The following MGAT4D variants were observed in gnomAD, a reference collection of about 807,000 sequenced individuals.
MGAT4D encodes alpha-1,3-mannosyl-glycoprotein 4-beta-N-acetylglucosaminyltransferase-like protein MGAT4D.
MGAT4D carries 34 observed loss-of-function variants against 15.9 expected under a neutral mutation model. The ratio of observed to expected loss-of-function variants is 2.14; its 90% CI spans 1.62 to 2.84. The LOEUF (loss-of-function observed/expected upper bound fraction) is 2.84. Among genes scored for constraint, MGAT4D ranks in the 30% most tolerant of loss-of-function variants. The probability of loss-of-function intolerance (pLI) is 0.00; values close to 1 mark genes in which losing one functional copy is unlikely to be tolerated. For missense variants in MGAT4D, 327 were observed against 140.2 expected (o/e 2.33, Z -6.73); for synonymous variants, 112 against 48.2 (o/e 2.33, Z -5.49).
At chr4:140,456,880 A>C (rs920019391) in intron 8 of MGAT4D, 161 bp from the exon 9 acceptor site, 5 of 425,922 alleles carry the variant, frequency 1.2e-5, no homozygotes, top group African/African-American at 2.0e-5. Flanking sequence ...ATTAAACACT[A>C]TATCTGCTTA....
At chr4:140,470,440 C>T (rs2126773746) in intron 5 of MGAT4D, among the ~76,000 whole-genome samples, 1 of 152,338 alleles carries the variant, frequency 6.6e-6, no homozygotes, top group Middle Eastern at 3.4e-3. Flanking sequence ...ACTTTACTGG[C>T]TAAACAAAAC....
intron 1 of MGAT4D, among the ~76,000 whole-genome samples, chr4:140,489,148 A>G (rs1330351668): frequency 6.6e-6 from 1 of 152,186 alleles, no homozygotes; most frequent in Non-Finnish European, 1.5e-5. Flanking sequence ...ATGATAAAGC[A>G]TTGGCAGGTC....
At chr4:140,446,724 G>A (rs1156895183) in intron 10 of MGAT4D, among the ~76,000 whole-genome samples, 1 of 90,070 alleles carries the variant, frequency 1.1e-5, no homozygotes, top group East Asian at 3.2e-4. Flanking sequence ...TTTGGAGCTG[G>A]TTTGCTTTTG....
intron 6 of MGAT4D, 28 bp from the exon 7 acceptor site, chr4:140,462,032 T>C (rs770862506): frequency 2.2e-5 from 15 of 691,550 alleles, no homozygotes; most frequent in East Asian, 1.1e-4. Context: ...GATCTGTTAA[T>C]ATTTGTCATT....
At chr4:140,461,543 T>A (rs1258183077) in intron 7 of MGAT4D, among the ~76,000 whole-genome samples, 1 of 152,150 alleles carries the variant, frequency 6.6e-6, no homozygotes, top group East Asian at 1.9e-4. Context: ...ATGATAAGTG[T>A]ATACAATGTC....
At chr4:140,461,880 T>TACACACACACACACAC in intron 7 of MGAT4D, 49 bp downstream of exon 7, 2 of 534,556 alleles carry the variant, frequency 3.7e-6, no homozygotes, top group Admixed American at 2.8e-5. Flanking sequence ...AATTGGTGTA[T>TACACACACACACACAC]ACACACACAC....
At chr4:140,480,598 G>A (rs1221221958) in intron 2 of MGAT4D, among the ~76,000 whole-genome samples, 6 of 151,992 alleles carry the variant, frequency 3.9e-5, no homozygotes, top group Admixed American at 3.9e-4. Context: ...ATATCCATCT[G>A]ATATGTATCC....
intron 3 of MGAT4D, among the ~76,000 whole-genome samples, chr4:140,478,503 A>T (rs753196004): frequency 2.0e-5 from 3 of 152,248 alleles, no homozygotes; most frequent in Non-Finnish European, 4.4e-5. Flanking sequence ...ATATGTATAT[A>T]CAGGTAAAGA....
At chr4:140,456,289 T>C (rs1730793728) in intron 9 of MGAT4D, among the ~76,000 whole-genome samples, 1 of 152,192 alleles carries the variant, frequency 6.6e-6, no homozygotes. Context: ...TGATGAACTC[T>C]TAATAGTGTA....
At chr4:140,449,409 T>C (rs1014600969) in intron 10 of MGAT4D, among the ~76,000 whole-genome samples, 1 of 152,206 alleles carries the variant, frequency 6.6e-6, no homozygotes, top group African/African-American at 2.4e-5. Context: ...TGAATAGAGA[T>C]AAATAAAATT....
At chr4:140,489,010 C>T (rs535495580) in intron 1 of MGAT4D, among the ~76,000 whole-genome samples, 1 of 152,272 alleles carries the variant, frequency 6.6e-6, no homozygotes, top group South Asian at 2.1e-4. Flanking sequence ...GCCAATTAAA[C>T]CTCTTTTCTT....
At chr4:140,496,041 TTTAG>T (rs1445977029) in intron 1 of MGAT4D, among the ~76,000 whole-genome samples, 1 of 152,160 alleles carries the variant, frequency 6.6e-6, no homozygotes, top group Non-Finnish European at 1.5e-5. Flanking sequence ...CCTGGCAAAA[TTTAG>T]TTAATTTTAA....
intron 8 of MGAT4D, chr4:140,457,528 C>A (rs1730888340): frequency 6.6e-6 from 1 of 152,088 alleles, no homozygotes; most frequent in Non-Finnish European, 1.5e-5. Flanking sequence ...ATAGCTGATT[C>A]AATTCCTAAC....
chr4:140,445,150 G>T (rs981787444), intron 10 of MGAT4D, among the ~76,000 whole-genome samples: 2 of 152,142 alleles, frequency 1.3e-5, no homozygotes, highest in Non-Finnish European at 2.9e-5. Context: ...CTCCCAAAGT[G>T]CTGGGATTAC....
chr4:140,445,110 C>G (rs2126655222), intron 10 of MGAT4D, among the ~76,000 whole-genome samples: 1 of 152,134 alleles, frequency 6.6e-6, no homozygotes, highest in East Asian at 1.9e-4. Flanking sequence ...GTCTCGAACT[C>G]CTGACCTCAG....
chr4:140,458,290 T>G (rs1161054151), intron 8 of MGAT4D: 1 of 150,196 alleles, frequency 6.7e-6, no homozygotes, highest in Non-Finnish European at 1.5e-5. Flanking sequence ...TTCAAAGTCT[T>G]TTGGTGATGG....
intron 3 of MGAT4D, among the ~76,000 whole-genome samples, chr4:140,475,807 CTTTTTTT>C (rs10711919): frequency 9.5e-6 from 1 of 105,398 alleles, no homozygotes; most frequent in African/African-American, 3.8e-5. Context: ...TATTGGCTTT[CTTTTTTT>C]TTTTTTTTTT....
intron 2 of MGAT4D, among the ~76,000 whole-genome samples, chr4:140,480,302 G>A (rs912582216): frequency 5.3e-5 from 8 of 152,050 alleles, no homozygotes; most frequent in African/African-American, 1.9e-4. Context: ...ACTGAACATT[G>A]ACTTGTTTTT....
In MGAT4D at chr4:140,446,338, A is replaced by T. The variant is rs762050546; in HGVS notation, c.1117-2894T>A. On this transcript the variant is annotated intron_variant, in intron 10 of 10. Transcript: ENST00000511113. ...CAGTAGGCTATTTATTACTGATTCA[A>T]TTTTGGAGTTTGTTGTTGGTCTATT... 3.3e-5 allele frequency among the ~76,000 whole-genome samples: 5 copies of T among 152,174 alleles called. No homozygotes were observed. The South Asian group carries it at 1.0e-3, about 32-fold the overall frequency.
Sources: allele counts gnomAD v4.1 joint callset (sites outside exome capture counted in the v4.1 genomes callset), GRCh38; gene constraint gnomAD v4.1.1; transcripts MANE v1.5; gene names NCBI Gene and HGNC (gene_info 2026-07-23, HGNC 2026-07-21).